Variants in CASK observed in about 807,000 individuals in gnomAD.
CASK encodes the protein calcium/calmodulin dependent serine protein kinase.
In CASK, 4 loss-of-function variants were observed where a neutral mutation model predicts 82.9. The observed-to-expected ratio is 0.05, with a 90% CI of 0.02 to 0.11. The LOEUF (loss-of-function observed/expected upper bound fraction) is 0.11. Among genes scored for constraint, CASK ranks in the 10% least tolerant of loss-of-function variants. The probability of loss-of-function intolerance (pLI) is 1.00; values close to 1 mark genes in which losing one functional copy is unlikely to be tolerated. For synonymous variants in CASK, 259 were observed against 253.5 expected (o/e 1.02, Z -0.20); for missense variants, 358 against 720.9 (o/e 0.50, Z 5.76).
intron 5 of CASK, chrX:41,676,321 A>C (rs2067264421): frequency 5.0e-6 from 6 of 1,199,027 alleles, no homozygotes; most frequent in South Asian, 3.5e-5. Context: ...CGACCCTCCA[A>C]GATGACCTAC....
chrX:41,650,380 T>C (rs1408416645), intron 8 of CASK, among the ~76,000 whole-genome samples: 1 of 111,534 alleles, frequency 9.0e-6, no homozygotes, highest in Non-Finnish European at 1.9e-5. Context: ...TGTTTTGCAG[T>C]GGCTGTGAAC....
At chrX:41,759,679 C>T (rs2068964705) in intron 3 of CASK, among the ~76,000 whole-genome samples, 1 of 111,466 alleles carries the variant, frequency 9.0e-6, no homozygotes, top group Non-Finnish European at 1.9e-5. Flanking sequence ...TGACACTTAA[C>T]CTTTCTGGGT....
chrX:41,636,128 C>T (rs1374785276), intron 9 of CASK, among the ~76,000 whole-genome samples: 1 of 109,435 alleles, frequency 9.1e-6, no homozygotes, highest in Non-Finnish European at 1.9e-5. Context: ...AACTCCTGAC[C>T]TCAGGCAATC....
At chrX:41,662,401 A>AT (rs2067049278) in intron 7 of CASK, among the ~76,000 whole-genome samples, 1 of 111,844 alleles carries the variant, frequency 8.9e-6, no homozygotes, top group African/African-American at 3.3e-5. Flanking sequence ...AGAAAAAAAA[A>AT]GTACTGCATT....
chrX:41,807,096 T>G (rs779460839), intron 2 of CASK, among the ~76,000 whole-genome samples: 1 of 111,503 alleles, frequency 9.0e-6, no homozygotes, highest in African/African-American at 3.3e-5. Context: ...AAATTTTTCT[T>G]AAAAATCTTT....
chrX:41,666,507 T>C (rs972292419), intron 6 of CASK, among the ~76,000 whole-genome samples: 1 of 112,229 alleles, frequency 8.9e-6, no homozygotes. Flanking sequence ...ATACTTTATC[T>C]AGAACTCAGA....
intron 5 of CASK, among the ~76,000 whole-genome samples, chrX:41,712,069 C>T (rs190829806): frequency 1.8e-5 from 2 of 112,609 alleles, no homozygotes; most frequent in African/African-American, 3.2e-5. Flanking sequence ...GGTAGGGGGG[C>T]GTTGCTGGCC....
intron 8 of CASK, among the ~76,000 whole-genome samples, chrX:41,649,538 G>A (rs996304051): frequency 1.8e-5 from 2 of 111,030 alleles, no homozygotes; most frequent in Admixed American, 9.6e-5. Flanking sequence ...GGAGCAGGAT[G>A]TTCAGTTTCC....
chrX:41,621,266 C>A (rs1391351548), intron 11 of CASK, among the ~76,000 whole-genome samples: 2 of 111,792 alleles, frequency 1.8e-5, no homozygotes, highest in African/African-American at 6.5e-5. Flanking sequence ...GTAATCAGTC[C>A]CCTCCCCTGG....
At chrX:41,709,913 C>A (rs1404668101) in intron 5 of CASK, among the ~76,000 whole-genome samples, 1 of 110,820 alleles carries the variant, frequency 9.0e-6, no homozygotes, top group African/African-American at 3.3e-5. Context: ...CACCTTAAGA[C>A]AATTGTATCT....
intron 3 of CASK, among the ~76,000 whole-genome samples, chrX:41,749,715 C>T (rs1176213115): frequency 3.6e-5 from 4 of 110,568 alleles, no homozygotes; most frequent in Non-Finnish European, 7.6e-5. Context: ...TGATTTTTTT[C>T]TTCCCAGTTG....
intron 2 of CASK, among the ~76,000 whole-genome samples, chrX:41,837,479 C>T (rs1347507970): frequency 1.8e-5 from 2 of 111,972 alleles, no homozygotes; most frequent in Non-Finnish European, 3.8e-5. Flanking sequence ...CACCCACTCA[C>T]CCATCTCACA....
chrX:41,797,643 A>G (rs2069890559), intron 2 of CASK, among the ~76,000 whole-genome samples: 1 of 111,977 alleles, frequency 8.9e-6, no homozygotes, highest in Non-Finnish European at 1.9e-5. Flanking sequence ...CAAGACAGTC[A>G]TCATCACATG....
chrX:41,816,313 G>A (rs2070410361), intron 2 of CASK, among the ~76,000 whole-genome samples: 1 of 111,344 alleles, frequency 9.0e-6, no homozygotes, highest in Non-Finnish European at 1.9e-5. Context: ...ATACATAAAA[G>A]ACAAAAGTGA....
At chrX:41,771,227 A>G (rs1281462300) in intron 3 of CASK, among the ~76,000 whole-genome samples, 1 of 112,412 alleles carries the variant, frequency 8.9e-6, no homozygotes, top group Non-Finnish European at 1.9e-5. Flanking sequence ...TAGTGGAATG[A>G]TATCTAATGG....
intron 2 of CASK, among the ~76,000 whole-genome samples, chrX:41,810,140 G>C (rs1480655719): frequency 1.8e-5 from 2 of 112,169 alleles, no homozygotes; most frequent in Non-Finnish European, 3.8e-5. Flanking sequence ...GATGGGGAGA[G>C]TGGAACCAAG....
intron 24 of CASK, among the ~76,000 whole-genome samples, chrX:41,534,392 AACACACACAC>A (rs56349527): frequency 0.017 from 1,534 of 91,213 alleles, 30 homozygotes; most frequent in African/African-American, 0.057. Flanking sequence ...TTTTATTTAA[AACACACACAC>A]ACACACACAC....
chrX:41,830,639 T>A (rs982031228), intron 2 of CASK, among the ~76,000 whole-genome samples: 17 of 106,924 alleles, frequency 1.6e-4, no homozygotes, highest in Admixed American at 5.0e-4. Flanking sequence ...GCTAACTCGG[T>A]GAAACCCCGT....
At chrX:41,913,022 GTAA>G (rs1259699587) in intron 1 of CASK, among the ~76,000 whole-genome samples, 14 of 109,479 alleles carry the variant, frequency 1.3e-4, no homozygotes, top group African/African-American at 4.7e-4. Context: ...CACCTCCTCT[GTAA>G]TGATTTCCCC....
Sources: allele counts gnomAD v4.1 joint callset (sites outside exome capture counted in the v4.1 genomes callset), GRCh38; gene constraint gnomAD v4.1.1; transcripts MANE v1.5; gene names NCBI Gene and HGNC (gene_info 2026-07-23, HGNC 2026-07-21).